The following SLC23A2 variants were observed in gnomAD, a reference collection of about 807,000 sequenced individuals.
SLC23A2 encodes Na(+)/L-ascorbic acid transporter 2.
A neutral mutation model predicts 73.3 loss-of-function variants in SLC23A2; 36 were observed. The observed-to-expected ratio is 0.49, with a 90% CI of 0.38 to 0.65. SLC23A2 has a LOEUF of 0.65. SLC23A2 is among the 30% of genes least tolerant of loss of function. SLC23A2 has a pLI of 0.00. For synonymous variants in SLC23A2, 343 were observed against 327.3 expected (o/e 1.05, Z -0.52); for missense variants, 507 against 841.6 (o/e 0.60, Z 4.92).
At chr20:4,873,296 G>C (rs1309578125) in intron 11 of SLC23A2, among the ~76,000 whole-genome samples, 1 of 152,170 alleles carries the variant, frequency 6.6e-6, no homozygotes, top group Non-Finnish European at 1.5e-5. Context: ...GCCGGGACTA[G>C]AGTCTTCACA....
At chr20:4,886,820 T>C (rs1273861191) in intron 6 of SLC23A2, among the ~76,000 whole-genome samples, 1 of 152,120 alleles carries the variant, frequency 6.6e-6, no homozygotes, top group African/African-American at 2.4e-5. Flanking sequence ...CACATCCAAA[T>C]CCTGAAATGC....
intron 2 of SLC23A2, among the ~76,000 whole-genome samples, chr20:4,956,574 T>C (rs2087291219): frequency 6.6e-6 from 1 of 152,182 alleles, no homozygotes; most frequent in African/African-American, 2.4e-5. Context: ...TAGCAACTTT[T>C]ATATTTCATT....
At chr20:4,909,944 G>C (rs898899396) in intron 4 of SLC23A2, among the ~76,000 whole-genome samples, 4 of 152,278 alleles carry the variant, frequency 2.6e-5, no homozygotes, top group African/African-American at 9.6e-5. Context: ...TATGATAATT[G>C]CAACTAAGCA....
chr20:4,893,641 C>A (rs918402448), intron 6 of SLC23A2, among the ~76,000 whole-genome samples: 2 of 152,210 alleles, frequency 1.3e-5, no homozygotes, highest in African/African-American at 4.8e-5. Context: ...CAGAGGAACT[C>A]TCTCTCCTTA....
intron 2 of SLC23A2, among the ~76,000 whole-genome samples, chr20:4,933,255 C>A (rs1932808709): frequency 6.6e-6 from 1 of 152,064 alleles, no homozygotes; most frequent in Non-Finnish European, 1.5e-5. Flanking sequence ...TAAAATAATT[C>A]TACATTCCCT....
chr20:4,944,789 G>C (rs1459095336), intron 2 of SLC23A2, among the ~76,000 whole-genome samples: 3 of 152,272 alleles, frequency 2.0e-5, no homozygotes, highest in African/African-American at 2.4e-5. Flanking sequence ...TAGGTTCAAT[G>C]ATGAAGCACA....
chr20:4,859,478 G>T (rs948141055), intron 15 of SLC23A2, 94 bp from the exon 16 acceptor site: 28 of 781,526 alleles, frequency 3.6e-5, no homozygotes, highest in Non-Finnish European at 6.9e-6. Context: ...GCAGAACTCC[G>T]CCAATCAAAG....
At chr20:4,861,854 G>A in intron 15 of SLC23A2, 94 bp downstream of exon 15, 1 of 1,288,772 alleles carries the variant, frequency 7.8e-7, no homozygotes, top group Non-Finnish European at 1.1e-6. Context: ...AGCTCCTGGA[G>A]GCCCAAAGTC....
At chr20:4,877,322 A>G (rs1168049658) in intron 9 of SLC23A2, among the ~76,000 whole-genome samples, 1 of 152,194 alleles carries the variant, frequency 6.6e-6, no homozygotes, top group Non-Finnish European at 1.5e-5. Context: ...GTAGCAGCAA[A>G]AATTTAAGCT....
intron 1 of SLC23A2, among the ~76,000 whole-genome samples, chr20:4,978,500 G>A (rs1036174647): frequency 2.0e-5 from 3 of 152,144 alleles, no homozygotes; most frequent in African/African-American, 4.8e-5. Context: ...CTTCTCCCCA[G>A]CACCCTGCTG....
intron 2 of SLC23A2, among the ~76,000 whole-genome samples, chr20:4,933,163 T>C (rs183445584): frequency 1.3e-5 from 2 of 152,290 alleles, no homozygotes; most frequent in African/African-American, 2.4e-5. Flanking sequence ...CTAATTTAAA[T>C]AGAAATTTAA....
intron 6 of SLC23A2, among the ~76,000 whole-genome samples, chr20:4,896,161 C>G (rs995975580): frequency 1.3e-5 from 2 of 152,108 alleles, no homozygotes; most frequent in African/African-American, 4.8e-5. Context: ...ACGTGCCCCC[C>G]ACGGTGACTG....
chr20:4,901,643 G>T (rs935915727), intron 5 of SLC23A2, among the ~76,000 whole-genome samples: 1 of 152,058 alleles, frequency 6.6e-6, no homozygotes, highest in African/African-American at 2.4e-5. Context: ...CCTCCCACTG[G>T]AAGCTGCAGC....
chr20:4,942,041 C>A (rs1015935035), intron 2 of SLC23A2, among the ~76,000 whole-genome samples: 1 of 152,052 alleles, frequency 6.6e-6, no homozygotes, highest in Admixed American at 6.6e-5. Context: ...CCAATTTCAC[C>A]CCTAAGAGCC....
exon 1 of SLC23A2, chr20:5,010,280 G>A (rs2088236283): frequency 6.6e-6 from 1 of 152,132 alleles, no homozygotes; most frequent in South Asian, 2.1e-4. Context: ...TCCAAGGGCA[G>A]GAGAAGATGA....
chr20:4,890,336 G>A (rs1931283067), intron 6 of SLC23A2, among the ~76,000 whole-genome samples: 1 of 152,130 alleles, frequency 6.6e-6, no homozygotes, highest in South Asian at 2.1e-4. Flanking sequence ...CTACCACTAG[G>A]AGTGTGTGTA....
rs1374836025 is a variant in SLC23A2 at position 4,883,588 on chromosome 20, T to C, written c.824+54A>G. The stretch of plus-strand genomic sequence containing the variant: ...CATTATCTCCTGAAGTCTGTGTGAA[T>C]GTTCCTAAAGGCTGCCCCGCAGTGG... On this transcript the variant is annotated intron_variant, in intron 9 of 16. Coordinates refer to ENST00000338244, the MANE Select transcript of SLC23A2 (RefSeq NM_005116.6). This position sits in a 1 kb window ranked among gnomAD's most constrained non-coding sequence, Gnocchi z 4.5. 2 of 1,263,050 alleles carry C rather than the reference T, an allele frequency of 1.6e-6. No homozygotes were observed. Among genetic ancestry groups the C allele is most frequent in the Non-Finnish European group, 2.2e-6 (2 of 901,488 alleles). 78.2% of individuals were successfully genotyped at this position (1,263,050 alleles called of 1,614,324 possible). A position where few individuals can be genotyped will look rare whatever the true frequency, so the allele number is the denominator to read the frequency against.
intron 13 of SLC23A2, among the ~76,000 whole-genome samples, chr20:4,867,350 A>G (rs1697957034): frequency 6.6e-6 from 1 of 151,260 alleles, no homozygotes; most frequent in African/African-American, 2.4e-5. Context: ...TCACCTGATC[A>G]CCCTCTCCCC....
intron 1 of SLC23A2, among the ~76,000 whole-genome samples, chr20:4,995,127 G>A (rs2087997112): frequency 6.6e-6 from 1 of 152,098 alleles, no homozygotes. Flanking sequence ...CTGGGGGTAT[G>A]TATATATTCA....
Sources: allele counts gnomAD v4.1 joint callset (sites outside exome capture counted in the v4.1 genomes callset), GRCh38; gene constraint gnomAD v4.1.1; non-coding constraint Gnocchi (gnomAD v3.1); transcripts MANE v1.5; gene names NCBI Gene and HGNC (gene_info 2026-07-23, HGNC 2026-07-21).